The following ARID5B variants were observed in gnomAD, a reference collection of about 807,000 sequenced individuals.
The protein encoded by ARID5B is AT-rich interactive domain-containing protein 5B.
A neutral mutation model predicts 97.2 loss-of-function variants in ARID5B; 13 were observed. That is an observed-to-expected ratio of 0.13 (90% CI 0.09 to 0.21). ARID5B has a LOEUF of 0.21. ARID5B is among the 10% of genes least tolerant of loss of function. The pLI is 1.00. For synonymous variants in ARID5B, 556 were observed against 570.3 expected (o/e 0.97, Z 0.36); for missense variants, 1,210 against 1,465.3 (o/e 0.83, Z 2.84).
chr10:61,920,879 G>T (rs1171875509), intron 2 of ARID5B, among the ~76,000 whole-genome samples: 1 of 152,084 alleles, frequency 6.6e-6, no homozygotes, highest in Non-Finnish European at 1.5e-5. Flanking sequence ...GCCATACTTG[G>T]CAAGATTATA....
chr10:62,045,043 T>G (rs930663988), intron 4 of ARID5B, among the ~76,000 whole-genome samples: 1 of 152,246 alleles, frequency 6.6e-6, no homozygotes, highest in Non-Finnish European at 1.5e-5. Context: ...AACTGTGGAT[T>G]TGAAATAAAA....
chr10:61,973,091 C>T (rs1190907692), intron 3 of ARID5B, among the ~76,000 whole-genome samples: 1 of 152,184 alleles, frequency 6.6e-6, no homozygotes, highest in African/African-American at 2.4e-5. Context: ...ATCATTCCCT[C>T]CTCTACCTAT....
At position 61,995,069 on chromosome 10, in the gene ARID5B, A is replaced by G. The variant is rs200924662; in HGVS notation, c.503-5022A>G. On this transcript the variant is annotated intron_variant, in intron 3 of 9. Transcript: ENST00000279873. ...AGATCATTTTCTGTTGACTGAAGTC[A>G]AGTAACGTATATGTAACCCAACCAG... Among the ~76,000 whole-genome samples, 9 of 152,332 alleles carry G rather than the reference A, an allele frequency of 5.9e-5. No individual in the cohort carries two copies. In the East Asian group the frequency reaches 1.7e-3, roughly 29 times the overall value.
At chr10:61,914,403 G>A (rs1185022984) in intron 2 of ARID5B, among the ~76,000 whole-genome samples, 1 of 152,188 alleles carries the variant, frequency 6.6e-6, no homozygotes, top group Non-Finnish European at 1.5e-5. Flanking sequence ...GGATATAATA[G>A]TGAACAATGA....
At chr10:62,073,104 T>G (rs3740354) in intron 8 of ARID5B, among the ~76,000 whole-genome samples, 49,299 of 152,118 alleles carry the variant, frequency 0.32, 8,865 homozygotes, top group Non-Finnish European at 0.41. Context: ...CCCTTGGAAT[T>G]TTGTAAAGCC....
intron 2 of ARID5B, among the ~76,000 whole-genome samples, chr10:61,910,275 T>C (rs1200536332): frequency 6.6e-6 from 1 of 152,226 alleles, no homozygotes; most frequent in Non-Finnish European, 1.5e-5. Flanking sequence ...CTCAAGCTCA[T>C]TTATCAAAGT....
At chr10:62,039,578 T>A (rs2132915572) in intron 4 of ARID5B, among the ~76,000 whole-genome samples, 1 of 152,244 alleles carries the variant, frequency 6.6e-6, no homozygotes, top group South Asian at 2.1e-4. Flanking sequence ...AATCAAAAAG[T>A]GAGGAGGTGG....
At chr10:61,968,178 ACAT>A (rs1243676819) in intron 3 of ARID5B, among the ~76,000 whole-genome samples, 1 of 131,366 alleles carries the variant, frequency 7.6e-6, no homozygotes, top group Non-Finnish European at 1.7e-5. Flanking sequence ...GCACACACAC[ACAT>A]ATTTATACAC....
intron 3 of ARID5B, among the ~76,000 whole-genome samples, chr10:61,954,879 G>A (rs745825124): frequency 7.2e-5 from 11 of 152,178 alleles, no homozygotes; most frequent in Non-Finnish European, 1.6e-4. Context: ...GGTGGTGCAT[G>A]CCTGTAATCC....
At chr10:62,070,170 C>T (rs1420129638) in intron 8 of ARID5B, among the ~76,000 whole-genome samples, 1 of 152,024 alleles carries the variant, frequency 6.6e-6, no homozygotes, top group Non-Finnish European at 1.5e-5. Flanking sequence ...AAGCACTTCT[C>T]ATAATATTAG....
intron 4 of ARID5B, among the ~76,000 whole-genome samples, chr10:62,034,599 G>A (rs756574153): frequency 6.6e-6 from 1 of 152,240 alleles, no homozygotes; most frequent in Non-Finnish European, 1.5e-5. Context: ...TGTAAAGTGT[G>A]ACATTTTAAT....
chr10:61,912,080 T>C (rs1843814968), intron 2 of ARID5B, among the ~76,000 whole-genome samples: 1 of 152,202 alleles, frequency 6.6e-6, no homozygotes, highest in South Asian at 2.1e-4. Context: ...ATCGACTCCA[T>C]TGTTCTATTG....
chr10:62,023,933 G>A (rs41344548), intron 4 of ARID5B, among the ~76,000 whole-genome samples: 12,420 of 151,758 alleles, frequency 0.082, 955 homozygotes, highest in East Asian at 0.32. Context: ...TTTGAGTCTT[G>A]GATACCGATA....
At position 62,095,037 on chromosome 10, in the gene ARID5B, G is replaced by T. The variant is rs192270286; in HGVS notation, c.*2007G>T. On this transcript the variant is annotated 3_prime_UTR_variant, in exon 10 of 10. Coordinates refer to ENST00000279873, the MANE Select transcript of ARID5B (RefSeq NM_032199.3). The stretch of plus-strand genomic sequence containing the variant: ...TTAATATCCAAAGGTGGAAACAAAA[G>T]AATGTAGAGATCCAGTGTTAAGAGT... 86 of 230,196 alleles carry T rather than the reference G, an allele frequency of 3.7e-4. No individual in the cohort carries two copies. Among genetic ancestry groups the T allele is most frequent in the African/African-American group, 1.9e-3 (85 of 45,230 alleles). 14.3% of individuals were successfully genotyped at this position (230,196 alleles called of 1,614,324 possible).
At chr10:61,930,392 A>G (rs1266037054) in intron 2 of ARID5B, among the ~76,000 whole-genome samples, 1 of 152,130 alleles carries the variant, frequency 6.6e-6, no homozygotes, top group Non-Finnish European at 1.5e-5. Context: ...TTTCCTTAGA[A>G]CAAGAGCAGG....
At chr10:62,055,484 T>C (rs960362785) in intron 5 of ARID5B, among the ~76,000 whole-genome samples, 3 of 152,126 alleles carry the variant, frequency 2.0e-5, no homozygotes, top group Non-Finnish European at 2.9e-5. Flanking sequence ...GCAATACAAA[T>C]TAAAACTGGA....
intron 4 of ARID5B, among the ~76,000 whole-genome samples, chr10:62,041,003 C>T (rs1427465126): frequency 6.6e-6 from 1 of 152,180 alleles, no homozygotes. Context: ...TGCTGTTTCT[C>T]TATAGTGTAA....
At chr10:62,070,552 T>A (rs1360998527) in intron 8 of ARID5B, among the ~76,000 whole-genome samples, 1 of 152,218 alleles carries the variant, frequency 6.6e-6, no homozygotes, top group African/African-American at 2.4e-5. Flanking sequence ...TATACGTACA[T>A]CCTCAGGCAA....
chr10:62,088,668 C>T (rs548462539), intron 9 of ARID5B, among the ~76,000 whole-genome samples: 3 of 152,320 alleles, frequency 2.0e-5, no homozygotes, highest in East Asian at 1.9e-4. Context: ...CCTTATAATA[C>T]GAATCACTTC....
Sources: gnomAD v4.1 joint callset for allele counts (sites outside exome capture counted in the v4.1 genomes callset) on GRCh38, gnomAD v4.1.1 for gene constraint, MANE v1.5 for transcripts, NCBI Gene and HGNC (gene_info 2026-07-23, HGNC 2026-07-21) for gene names.